Variants in SLC4A4 observed in about 807,000 individuals in gnomAD.
SLC4A4 encodes the protein electrogenic sodium bicarbonate cotransporter 1.
SLC4A4 carries 27 observed loss-of-function variants against 111.5 expected under a neutral mutation model. The ratio of observed to expected loss-of-function variants is 0.24; its 90% confidence interval spans 0.18 to 0.33. SLC4A4 has a LOEUF of 0.33. Among genes scored for constraint, SLC4A4 ranks in the 10% least tolerant of loss-of-function variants. The pLI is 1.00. For missense variants in SLC4A4, 909 were observed against 1,315.5 expected (o/e 0.69, Z 4.78); for synonymous variants, 443 against 463.4 (o/e 0.96, Z 0.57).
intron 1 of SLC4A4, among the ~76,000 whole-genome samples, chr4:71,198,236 T>C (rs1361409738): frequency 2.6e-5 from 4 of 152,238 alleles, no homozygotes; most frequent in African/African-American, 7.2e-5. Context: ...TGAGACGTTT[T>C]AGAACAGATG....
intron 1 of SLC4A4, among the ~76,000 whole-genome samples, chr4:71,064,982 C>G (rs892786898): frequency 5.9e-5 from 9 of 152,092 alleles, no homozygotes; most frequent in South Asian, 2.1e-4. Context: ...CTTCTGCCAA[C>G]AAAAATATAA....
intron 18 of SLC4A4, among the ~76,000 whole-genome samples, chr4:71,539,272 A>G (rs1734836303): frequency 1.3e-5 from 2 of 152,036 alleles, no homozygotes; most frequent in South Asian, 4.2e-4. Context: ...GCTTCATTCC[A>G]AAAGCCTTCA....
intron 16 of SLC4A4, among the ~76,000 whole-genome samples, chr4:71,524,765 AT>A (rs1733268769): frequency 6.6e-6 from 1 of 151,856 alleles, no homozygotes; most frequent in African/African-American, 2.4e-5. Context: ...GTCTGGCATA[AT>A]TTTTCTTTCA....
At chr4:71,377,612 C>T (rs1484984203) in intron 6 of SLC4A4, among the ~76,000 whole-genome samples, 4 of 152,182 alleles carry the variant, frequency 2.6e-5, no homozygotes, top group African/African-American at 9.7e-5. Flanking sequence ...TTCTTTCTTA[C>T]TCATGCTACT....
At chr4:71,075,998 T>TAAAG (rs1366082424) in intron 1 of SLC4A4, among the ~76,000 whole-genome samples, 6 of 149,136 alleles carry the variant, frequency 4.0e-5, no homozygotes, top group Non-Finnish European at 9.0e-5. Context: ...AATAAATAAA[T>TAAAG]AAATAAATAG....
intron 16 of SLC4A4, among the ~76,000 whole-genome samples, chr4:71,508,888 C>T (rs1288150208): frequency 3.9e-5 from 6 of 152,172 alleles, no homozygotes; most frequent in Admixed American, 3.3e-4. Flanking sequence ...TCCAGCAGCA[C>T]GTCCAGCTTA....
intron 4 of SLC4A4, among the ~76,000 whole-genome samples, chr4:71,347,111 A>G (rs1223550469): frequency 1.3e-5 from 2 of 152,126 alleles, no homozygotes; most frequent in Non-Finnish European, 2.9e-5. Context: ...CTATTTCATA[A>G]ATCCACCCTA....
At chr4:71,285,677 C>T (rs1037148743) in intron 3 of SLC4A4, among the ~76,000 whole-genome samples, 7 of 152,074 alleles carry the variant, frequency 4.6e-5, no homozygotes, top group Admixed American at 3.9e-4. Flanking sequence ...GAAAACAATT[C>T]TCATATTACT....
At chr4:71,431,130 A>G in intron 7 of SLC4A4, among the ~76,000 whole-genome samples, 1 of 152,164 alleles carries the variant, frequency 6.6e-6, no homozygotes. Context: ...AACAAAATAA[A>G]TGAATATTCC....
intron 3 of SLC4A4, among the ~76,000 whole-genome samples, chr4:71,278,692 G>A (rs1191587000): frequency 1.3e-5 from 2 of 152,174 alleles, no homozygotes; most frequent in African/African-American, 2.4e-5. Context: ...CTGATGATTA[G>A]TGATGCTGAA....
chr4:71,211,157 C>T (rs1718109149), intron 1 of SLC4A4, among the ~76,000 whole-genome samples: 1 of 152,208 alleles, frequency 6.6e-6, no homozygotes, highest in Middle Eastern at 3.4e-3. Flanking sequence ...CCACAAAATA[C>T]CTTCACAAAA....
At chr4:71,563,661 T>C (rs1302993338) in intron 23 of SLC4A4, 132 bp from the exon 24 acceptor site, 31 of 704,774 alleles carry the variant, frequency 4.4e-5, no homozygotes, top group Non-Finnish European at 6.6e-5. Context: ...GATGGCAAAC[T>C]GGAAGTAATT....
intron 3 of SLC4A4, among the ~76,000 whole-genome samples, chr4:71,329,107 A>C (rs748459155): frequency 5.9e-5 from 9 of 151,954 alleles, no homozygotes; most frequent in Non-Finnish European, 1.2e-4. Context: ...TGGCACCTCT[A>C]TAAAAAATGA....
At chr4:71,257,930 C>T (rs1269420452) in intron 3 of SLC4A4, among the ~76,000 whole-genome samples, 1 of 152,150 alleles carries the variant, frequency 6.6e-6, no homozygotes, top group African/African-American at 2.4e-5. Context: ...TTTTTCTGTT[C>T]TTTTCAGTTT....
At chr4:71,216,701 G>A (rs1718449309) in intron 1 of SLC4A4, among the ~76,000 whole-genome samples, 2 of 152,272 alleles carry the variant, frequency 1.3e-5, no homozygotes, top group South Asian at 4.2e-4. Context: ...AGGGAGCATG[G>A]CATGGAGCAT....
At chr4:71,099,930 A>G (rs1742673318) in intron 2 of SLC4A4, among the ~76,000 whole-genome samples, 1 of 152,196 alleles carries the variant, frequency 6.6e-6, no homozygotes, top group Non-Finnish European at 1.5e-5. Flanking sequence ...GAAGAGACCA[A>G]TAATGAGCTC....
chr4:71,410,674 G>C (rs1341662869), intron 7 of SLC4A4, among the ~76,000 whole-genome samples: 1 of 152,150 alleles, frequency 6.6e-6, no homozygotes, highest in East Asian at 1.9e-4. Flanking sequence ...GGACTGTTGG[G>C]AATACATTTT....
At chr4:71,363,723 C>T (rs139951680) in intron 6 of SLC4A4, among the ~76,000 whole-genome samples, 1 of 152,338 alleles carries the variant, frequency 6.6e-6, no homozygotes, top group African/African-American at 2.4e-5. Flanking sequence ...AAAGCAACAG[C>T]ATACATCCAC....
intron 2 of SLC4A4, among the ~76,000 whole-genome samples, chr4:71,178,985 A>C (rs1407505978): frequency 2.0e-5 from 3 of 152,242 alleles, no homozygotes; most frequent in Non-Finnish European, 2.9e-5. Flanking sequence ...ATCCAGCAGC[A>C]CATCAAAAAG....
Sources: allele counts gnomAD v4.1 joint callset (sites outside exome capture counted in the v4.1 genomes callset), GRCh38; gene constraint gnomAD v4.1.1; transcripts MANE v1.5; gene names NCBI Gene and HGNC (gene_info 2026-07-23, HGNC 2026-07-21).